Variants in LRRC7 observed in about 807,000 individuals in gnomAD.
LRRC7 encodes leucine rich repeat containing 7.
A neutral mutation model predicts 175.7 loss-of-function variants in LRRC7; 23 were observed. The ratio of observed to expected loss-of-function variants is 0.13; its 90% CI spans 0.09 to 0.19. The LOEUF (loss-of-function observed/expected upper bound fraction) is 0.19, where lower values mean the gene tolerates loss of function less well. LRRC7 is among the 10% of genes least tolerant of loss of function. The probability of loss-of-function intolerance (pLI) is 1.00; values close to 1 mark genes in which losing one functional copy is unlikely to be tolerated. For synonymous variants in LRRC7, 685 were observed against 680.9 expected (o/e 1.01, Z -0.09); for missense variants, 1,354 against 1,904.7 (o/e 0.71, Z 5.38).
Position 70,123,026 on chromosome 1 carries a change from T to A in LRRC7, c.*1139T>A. 1 of 152,522 alleles carries A rather than the reference T, an allele frequency of 6.6e-6. No individual in the cohort carries two copies. Among genetic ancestry groups the A allele is most frequent in the East Asian group, 1.9e-4 (1 of 5,200 alleles). 9.4% of individuals were successfully genotyped at this position (152,522 alleles called of 1,614,324 possible). On this transcript the variant is annotated 3_prime_UTR_variant, in exon 27 of 27. Coordinates refer to ENST00000651989, the MANE Select transcript of LRRC7 (RefSeq NM_001370785.2). ...CAATGGCTGTTTTTCTGGGCAGAAA[T>A]AGATAAAATACTTTTTTTCCAAAAA...
At chr1:69,866,369 A>T (rs762281505) in intron 7 of LRRC7, among the ~76,000 whole-genome samples, 1 of 152,144 alleles carries the variant, frequency 6.6e-6, no homozygotes, top group Non-Finnish European at 1.5e-5. Context: ...TGGAGCATCA[A>T]ACTGGAGGGA....
In LRRC7 at chr1:70,003,627, TAA is replaced by T; in HGVS notation, c.1005-8168_1005-8167del. The stretch of plus-strand genomic sequence containing the variant: ...ACTGATGATTGTATAAGATTTCAGT[TAA>T]AGCACAAAACCACTAATGATATCCA... On this transcript the variant is annotated intron_variant, in intron 11 of 26. Coordinates refer to ENST00000651989, the MANE Select transcript of LRRC7 (RefSeq NM_001370785.2). Among the ~76,000 whole-genome samples the T allele has an allele frequency of 1.3e-5, 2 of 152,324 alleles. 1 individual carries two copies. Among genetic ancestry groups the T allele is most frequent in the Non-Finnish European group, 2.9e-5 (2 of 68,022 alleles).
intron 25 of LRRC7, among the ~76,000 whole-genome samples, chr1:70,096,784 G>A (rs938086804): frequency 6.6e-6 from 1 of 152,150 alleles, no homozygotes; most frequent in African/African-American, 2.4e-5. Context: ...AGCTGGGGTG[G>A]TGGCATTAGC....
In LRRC7 at chr1:70,122,108, T is replaced by C; in HGVS notation, c.*221T>C. On this transcript the variant is annotated 3_prime_UTR_variant, in exon 27 of 27. Coordinates refer to ENST00000651989, the MANE Select transcript of LRRC7 (RefSeq NM_001370785.2). ...AGTTTTAATTGTCAGCCTCTGGCTGTGCATTGGTGCAGTTTTGTTTCTGTT... is the reference window on the plus strand; with the variant it reads ...AGTTTTAATTGTCAGCCTCTGGCTGCGCATTGGTGCAGTTTTGTTTCTGTT... 2.8e-6 allele frequency: 1 copy of C among 357,428 alleles called. No homozygotes were observed. 22.1% of individuals were successfully genotyped at this position (357,428 alleles called of 1,614,324 possible).
intron 7 of LRRC7, chr1:69,919,820 G>C: frequency 1.3e-6 from 1 of 755,374 alleles, no homozygotes; most frequent in Non-Finnish European, 2.2e-6. Context: ...CGGCATCCAC[G>C]TCATTGTCCG....
Position 70,038,760 on chromosome 1 carries a change from C to G in LRRC7, c.2936C>G (p.Ser979Cys). ...TCCCCCCTAATGAAAGATATCAAGTCTAATAAATTCAAAAAGTCACAGAGT... is the reference window on the plus strand; with the variant it reads ...TCCCCCCTAATGAAAGATATCAAGTGTAATAAATTCAAAAAGTCACAGAGT... The part of the protein sequence containing the change: ...RLSPLMKDIK[S>C]NKFKKSQSID... The change falls in exon 21 of 27, where the codon TCT becomes TGT. Residue 979 changes from serine (S) to cysteine (C), a missense_variant. Physicochemically the swap from Ser to Cys is moderately radical, Grantham distance 112. This residue lies in a region of LRRC7 where 1,032 missense variants were observed against 1,227.2 expected (regional missense o/e 0.84). Coordinates refer to ENST00000651989, the MANE Select transcript of LRRC7 (RefSeq NM_001370785.2). The G allele has an allele frequency of 6.2e-7, 1 of 1,613,816 alleles. No individual in the cohort carries two copies.
At chr1:70,105,502 A>G (rs543110590) in intron 25 of LRRC7, among the ~76,000 whole-genome samples, 23 of 152,326 alleles carry the variant, frequency 1.5e-4, no homozygotes, top group African/African-American at 5.3e-4. Flanking sequence ...ACACAAATAT[A>G]TATATAAACA....
intron 7 of LRRC7, among the ~76,000 whole-genome samples, chr1:69,865,098 C>G (rs1415669129): frequency 6.6e-6 from 1 of 152,122 alleles, no homozygotes; most frequent in African/African-American, 2.4e-5. Flanking sequence ...CTGAGAACAT[C>G]CCAGTGGAGG....
At chr1:70,052,959 T>C in intron 22 of LRRC7, 67 bp from the exon 23 acceptor site, 2 of 1,454,890 alleles carry the variant, frequency 1.4e-6, no homozygotes, top group Non-Finnish European at 1.8e-6. Context: ...CATTAGGGAC[T>C]CTTTTCAGAA....
intron 1 of LRRC7, among the ~76,000 whole-genome samples, chr1:69,575,448 T>C (rs1473819575): frequency 6.6e-6 from 1 of 152,214 alleles, no homozygotes; most frequent in Non-Finnish European, 1.5e-5. Context: ...GAGTTTTTAT[T>C]TGGCTTAAGC....
intron 5 of LRRC7, 145 bp downstream of exon 5, chr1:69,825,971 A>G: frequency 2.0e-6 from 1 of 509,326 alleles, no homozygotes; most frequent in East Asian, 3.5e-5. Context: ...AATTAATCAG[A>G]ATAGTTTGAC....
At chr1:69,793,399 C>T (rs1389755345) in intron 4 of LRRC7, among the ~76,000 whole-genome samples, 1 of 152,020 alleles carries the variant, frequency 6.6e-6, no homozygotes, top group African/African-American at 2.4e-5. Flanking sequence ...ATCTTGGTCA[C>T]ATGTAAATAT....
At chr1:70,037,447 A>G (rs181182195) in intron 20 of LRRC7, among the ~76,000 whole-genome samples, 4 of 152,358 alleles carry the variant, frequency 2.6e-5, no homozygotes, top group Admixed American at 2.6e-4. Flanking sequence ...TCAGTGGTAC[A>G]AACATGTCAG....
chr1:69,980,554 A>C, intron 9 of LRRC7, 101 bp downstream of exon 9: 1 of 984,804 alleles, frequency 1.0e-6, no homozygotes. Flanking sequence ...TGTGTTTCAA[A>C]GTAAAATAAT....
chr1:69,775,587 G>T (rs904357823), intron 3 of LRRC7, among the ~76,000 whole-genome samples: 3 of 152,152 alleles, frequency 2.0e-5, no homozygotes, highest in African/African-American at 7.2e-5. Flanking sequence ...GCATAGAACT[G>T]ACTTCTAGTC....
intron 26 of LRRC7, among the ~76,000 whole-genome samples, chr1:70,119,269 T>C (rs1666061973): frequency 6.6e-6 from 1 of 152,118 alleles, no homozygotes; most frequent in Non-Finnish European, 1.5e-5. Context: ...TGTCCCTCTC[T>C]TCTTTGCCCT....
intron 7 of LRRC7, among the ~76,000 whole-genome samples, chr1:69,892,706 C>T (rs983543843): frequency 2.0e-5 from 3 of 152,082 alleles, no homozygotes; most frequent in African/African-American, 7.2e-5. Flanking sequence ...TTTCACTGAC[C>T]CTTGTAACAA....
chr1:69,727,484 A>G (rs1173596945), intron 2 of LRRC7, among the ~76,000 whole-genome samples: 4 of 152,208 alleles, frequency 2.6e-5, no homozygotes, highest in Non-Finnish European at 5.9e-5. Context: ...GCAATTAAGT[A>G]GCTGTCTTTT....
intron 2 of LRRC7, among the ~76,000 whole-genome samples, chr1:69,743,449 G>A (rs1049866206): frequency 6.6e-6 from 1 of 152,002 alleles, no homozygotes; most frequent in Admixed American, 6.6e-5. Flanking sequence ...TGTGTGTTGG[G>A]CAGGAAGAAG....
Sources: gnomAD v4.1 joint callset for allele counts (sites outside exome capture counted in the v4.1 genomes callset) on GRCh38, gnomAD v4.1.1 for gene constraint, gnomAD v4.1.1 regional missense constraint, MANE v1.5 for transcripts, NCBI Gene and HGNC (gene_info 2026-07-23, HGNC 2026-07-21) for gene names.